LPP: variants seen among roughly 807,000 people sequenced by gnomAD.
LPP encodes the protein LIM domain containing preferred translocation partner in lipoma, also known as lipoma-preferred partner.
Under a neutral mutation model 60.4 loss-of-function variants are expected in LPP, and 38 were observed. The observed-to-expected ratio is 0.63, with a 90% confidence interval of 0.49 to 0.83. The LOEUF (loss-of-function observed/expected upper bound fraction) is 0.83, where lower values mean the gene tolerates loss of function less well. Ranked by LOEUF, LPP falls within the 40% of genes least tolerant of loss-of-function variation. The pLI is 0.00. For synonymous variants in LPP, 328 were observed against 290.8 expected (o/e 1.13, Z -1.30); for missense variants, 902 against 783.6 (o/e 1.15, Z -1.80).
At chr3:188,304,909 T>A (rs1182061518) in intron 2 of LPP, among the ~76,000 whole-genome samples, 1 of 152,190 alleles carries the variant, frequency 6.6e-6, no homozygotes, top group Non-Finnish European at 1.5e-5. Context: ...AAAAAAGAAA[T>A]GTCATTAAAT....
intron 2 of LPP, among the ~76,000 whole-genome samples, chr3:188,273,958 G>T (rs550881928): frequency 1.4e-3 from 213 of 152,160 alleles, no homozygotes; most frequent in African/African-American, 4.8e-3. Flanking sequence ...AATGTTTAGA[G>T]ATATATATGA....
At chr3:188,775,253 A>G (rs527363064) in intron 9 of LPP, among the ~76,000 whole-genome samples, 6 of 152,148 alleles carry the variant, frequency 3.9e-5, no homozygotes, top group Middle Eastern at 6.8e-3. Context: ...GGGTTTCACC[A>G]TGTTGGCCCG....
At chr3:188,634,169 T>C (rs1428096621) in intron 7 of LPP, among the ~76,000 whole-genome samples, 2 of 152,250 alleles carry the variant, frequency 1.3e-5, no homozygotes, top group Non-Finnish European at 2.9e-5. Context: ...TCGTTTCTTT[T>C]CTCAGCGATT....
Position 188,247,972 on chromosome 3 carries a change from A to G in LPP, c.-67+22445A>G, listed in dbSNP as rs561869493. Among the ~76,000 whole-genome samples the G allele has an allele frequency of 2.0e-5, 3 of 152,232 alleles. 1 individual carries two copies. Among genetic ancestry groups the G allele is most frequent in the Admixed American group, 1.3e-4 (2 of 15,294 alleles). On this transcript the variant is annotated intron_variant, in intron 2 of 11. Coordinates refer to ENST00000617246, the MANE Select transcript of LPP (RefSeq NM_001375462.1). ...AATCTTCAGAGGAACTTTATGCTAC[A>G]ATGCTCATCTCAGTCACAGTGTCTG...
intron 2 of LPP, among the ~76,000 whole-genome samples, chr3:188,259,295 C>T (rs572664035): frequency 6.6e-6 from 1 of 152,150 alleles, no homozygotes; most frequent in Non-Finnish European, 1.5e-5. Context: ...ACCCAAATTC[C>T]CCAGCATGAC....
chr3:188,585,346 A>G (rs947096545), intron 6 of LPP, among the ~76,000 whole-genome samples: 3 of 152,130 alleles, frequency 2.0e-5, no homozygotes, highest in Admixed American at 6.5e-5. Context: ...GCATCATTTT[A>G]TGTTGGGATC....
chr3:188,682,762 A>G (rs1457523690), intron 7 of LPP, among the ~76,000 whole-genome samples: 2 of 152,214 alleles, frequency 1.3e-5, no homozygotes, highest in South Asian at 2.1e-4. Context: ...TATATTTTTT[A>G]CTGAAACGGA....
intron 3 of LPP, among the ~76,000 whole-genome samples, chr3:188,378,231 G>T (rs1031519227): frequency 2.0e-5 from 3 of 152,196 alleles, no homozygotes; most frequent in Non-Finnish European, 4.4e-5. Context: ...TCTCTTCAAA[G>T]CTGTCAGAGA....
chr3:188,722,484 T>C (rs966039992), intron 8 of LPP, among the ~76,000 whole-genome samples: 1 of 152,178 alleles, frequency 6.6e-6, no homozygotes, highest in African/African-American at 2.4e-5. Context: ...GAAATCCAAG[T>C]GTAAGTCATC....
intron 7 of LPP, among the ~76,000 whole-genome samples, chr3:188,684,220 A>G (rs1441463928): frequency 6.6e-6 from 1 of 152,238 alleles, no homozygotes; most frequent in Non-Finnish European, 1.5e-5. Flanking sequence ...CTCAAGTTCC[A>G]TTAGACAGTT....
chr3:188,411,020 G>A (rs1275072196), intron 4 of LPP, among the ~76,000 whole-genome samples: 2 of 151,984 alleles, frequency 1.3e-5, no homozygotes, highest in Non-Finnish European at 2.9e-5. Flanking sequence ...TAGAATAATG[G>A]TCTCCAACTC....
chr3:188,753,841 C>G (rs1054466355), intron 8 of LPP, among the ~76,000 whole-genome samples: 1 of 151,944 alleles, frequency 6.6e-6, no homozygotes, highest in Middle Eastern at 3.4e-3. Flanking sequence ...GACATTGGAG[C>G]CACCTTTCCC....
intron 8 of LPP, among the ~76,000 whole-genome samples, chr3:188,739,176 G>T (rs777600389): frequency 1.3e-5 from 2 of 152,036 alleles, no homozygotes; most frequent in African/African-American, 2.4e-5. Flanking sequence ...GGGGTATACA[G>T]AAAGGCTTTA....
At chr3:188,818,074 A>G (rs530162988) in intron 9 of LPP, among the ~76,000 whole-genome samples, 2 of 152,160 alleles carry the variant, frequency 1.3e-5, no homozygotes, top group Non-Finnish European at 1.5e-5. Context: ...AGGCTTACAG[A>G]ATGTTAGAAG....
intron 7 of LPP, among the ~76,000 whole-genome samples, chr3:188,695,877 A>G (rs573753240): frequency 1.3e-5 from 2 of 152,328 alleles, no homozygotes; most frequent in South Asian, 4.1e-4. Context: ...CATATTTCTA[A>G]ATGAATATAT....
intron 6 of LPP, among the ~76,000 whole-genome samples, chr3:188,561,365 T>C (rs1830634273): frequency 6.6e-6 from 1 of 152,062 alleles, no homozygotes; most frequent in South Asian, 2.1e-4. Flanking sequence ...AGGTAGTTAC[T>C]GTAGAAGAAA....
At chr3:188,746,966 A>C (rs1726421778) in intron 8 of LPP, among the ~76,000 whole-genome samples, 1 of 152,178 alleles carries the variant, frequency 6.6e-6, no homozygotes, top group South Asian at 2.1e-4. Context: ...GCCTTCATCA[A>C]AATTTAGTTT....
intron 6 of LPP, among the ~76,000 whole-genome samples, chr3:188,551,555 TG>T (rs1357932818): frequency 2.0e-5 from 3 of 152,222 alleles, no homozygotes; most frequent in Non-Finnish European, 2.9e-5. Flanking sequence ...ATCACCCATC[TG>T]TAAAATATGG....
chr3:188,179,752 T>C (rs1425828073), intron 1 of LPP: 4 of 330,958 alleles, frequency 1.2e-5, no homozygotes, highest in Non-Finnish European at 2.4e-5. Context: ...AGTAGTTAGC[T>C]TGCAGCAGCT....
Sources: allele counts gnomAD v4.1 joint callset (sites outside exome capture counted in the v4.1 genomes callset), GRCh38; gene constraint gnomAD v4.1.1; transcripts MANE v1.5; gene names NCBI Gene and HGNC (gene_info 2026-07-23, HGNC 2026-07-21).